The following DCLK1 variants were observed in gnomAD, a reference collection of about 807,000 sequenced individuals.
The protein encoded by DCLK1 is serine/threonine-protein kinase DCLK1.
Under a neutral mutation model 86.2 loss-of-function variants are expected in DCLK1, and 16 were observed. The ratio of observed to expected loss-of-function variants is 0.19; its 90% confidence interval spans 0.13 to 0.28. The LOEUF (loss-of-function observed/expected upper bound fraction) is 0.28. DCLK1 is among the 10% of genes least tolerant of loss of function. DCLK1 has a pLI of 1.00. For missense variants in DCLK1, 590 were observed against 940.2 expected (o/e 0.63, Z 4.87); for synonymous variants, 369 against 370.5 (o/e 1.00, Z 0.05).
intron 5 of DCLK1, among the ~76,000 whole-genome samples, chr13:35,866,342 G>T (rs944138390): frequency 1.3e-5 from 2 of 152,054 alleles, no homozygotes; most frequent in South Asian, 2.1e-4. Context: ...TTTATAATAC[G>T]CTCCAATTTC....
intron 4 of DCLK1, among the ~76,000 whole-genome samples, chr13:35,898,837 G>T (rs1263905757): frequency 6.6e-6 from 1 of 152,104 alleles, no homozygotes; most frequent in Non-Finnish European, 1.5e-5. Flanking sequence ...TGCCTCCTGG[G>T]CTCAAGCGAT....
intron 3 of DCLK1, among the ~76,000 whole-genome samples, chr13:36,082,812 C>T (rs184032021): frequency 6.6e-6 from 1 of 152,278 alleles, no homozygotes; most frequent in East Asian, 1.9e-4. Flanking sequence ...GCTGAATGAG[C>T]CCCAGCTATC....
intron 3 of DCLK1, among the ~76,000 whole-genome samples, chr13:36,060,356 T>G (rs1593855088): frequency 6.6e-6 from 1 of 152,236 alleles, no homozygotes; most frequent in South Asian, 2.1e-4. Context: ...TGTCTGTCTT[T>G]CAAATACCAA....
intron 4 of DCLK1, among the ~76,000 whole-genome samples, chr13:35,896,199 T>G (rs9531159): frequency 6.6e-5 from 10 of 152,010 alleles, no homozygotes; most frequent in Non-Finnish European, 1.3e-4. Context: ...TTGCTTAGAC[T>G]GTATATAGAA....
At chr13:35,919,966 G>A (rs1017676934) in intron 4 of DCLK1, among the ~76,000 whole-genome samples, 9 of 151,786 alleles carry the variant, frequency 5.9e-5, no homozygotes, top group South Asian at 2.1e-4. Context: ...CGACACAGCC[G>A]GCAAATAAAA....
At chr13:35,891,264 TA>T (rs1169470529) in intron 4 of DCLK1, among the ~76,000 whole-genome samples, 2 of 151,834 alleles carry the variant, frequency 1.3e-5, no homozygotes, top group African/African-American at 2.4e-5. Context: ...ATAATTTTTT[TA>T]AAAAAAACAG....
intron 3 of DCLK1, among the ~76,000 whole-genome samples, chr13:36,062,755 G>C (rs890738128): frequency 1.2e-4 from 18 of 152,164 alleles, no homozygotes; most frequent in African/African-American, 4.3e-4. Flanking sequence ...CCACGGATAG[G>C]CGTCATTGTG....
intron 3 of DCLK1, among the ~76,000 whole-genome samples, chr13:35,969,214 G>A (rs1336182366): frequency 6.6e-6 from 1 of 152,146 alleles, no homozygotes; most frequent in African/African-American, 2.4e-5. Context: ...AATGGTGGCT[G>A]CCACAAAGAT....
intron 4 of DCLK1, among the ~76,000 whole-genome samples, chr13:35,926,987 G>T (rs1305067149): frequency 6.6e-6 from 1 of 152,332 alleles, no homozygotes; most frequent in East Asian, 1.9e-4. Context: ...GAAGTCAGCA[G>T]CTTTTGGAAG....
intron 2 of DCLK1, among the ~76,000 whole-genome samples, chr13:36,119,363 C>T (rs1415375857): frequency 6.6e-6 from 1 of 152,078 alleles, no homozygotes; most frequent in Admixed American, 6.6e-5. Context: ...AAGAAAATCA[C>T]CATTAGAACA....
At chr13:36,006,038 A>C (rs1179382856) in intron 3 of DCLK1, among the ~76,000 whole-genome samples, 1 of 152,158 alleles carries the variant, frequency 6.6e-6, no homozygotes, top group Non-Finnish European at 1.5e-5. Context: ...AAGAGGATGG[A>C]GAGCATTAGG....
intron 10 of DCLK1, among the ~76,000 whole-genome samples, chr13:35,827,403 A>G (rs1868564818): frequency 6.6e-6 from 1 of 152,150 alleles, no homozygotes; most frequent in Admixed American, 6.6e-5. Flanking sequence ...CTCACTTTAC[A>G]TATGTTGAAA....
intron 2 of DCLK1, among the ~76,000 whole-genome samples, chr13:36,113,545 G>A (rs994904054): frequency 2.6e-5 from 4 of 152,076 alleles, no homozygotes; most frequent in African/African-American, 9.7e-5. Context: ...GCATATTTGG[G>A]TACTATAGAA....
chr13:35,969,338 A>T (rs1049436866), intron 3 of DCLK1, among the ~76,000 whole-genome samples: 1 of 152,102 alleles, frequency 6.6e-6, no homozygotes, highest in Non-Finnish European at 1.5e-5. Flanking sequence ...CCAGTGACAA[A>T]TGTCCTTATA....
At chr13:36,038,384 G>A (rs1011929254) in intron 3 of DCLK1, among the ~76,000 whole-genome samples, 1 of 152,156 alleles carries the variant, frequency 6.6e-6, no homozygotes, top group African/African-American at 2.4e-5. Flanking sequence ...AGAGAATCCT[G>A]GAGAACCAAA....
chr13:35,989,437 A>G (rs948297057), intron 3 of DCLK1, among the ~76,000 whole-genome samples: 2 of 151,858 alleles, frequency 1.3e-5, no homozygotes, highest in African/African-American at 4.8e-5. Context: ...ACACCCGGCT[A>G]ATTTTTGTAT....
At chr13:36,024,968 C>CTT (rs1427973007) in intron 3 of DCLK1, among the ~76,000 whole-genome samples, 42 of 139,096 alleles carry the variant, frequency 3.0e-4, no homozygotes, top group African/African-American at 7.3e-4. Context: ...TCTTTTCTTT[C>CTT]TTTTTTTTTT....
chr13:36,045,396 C>G (rs117965023), intron 3 of DCLK1, among the ~76,000 whole-genome samples: 1 of 121,452 alleles, frequency 8.2e-6, no homozygotes, highest in Non-Finnish European at 1.7e-5. Context: ...AAATTGCTAA[C>G]ATCAGTGAAC....
chr13:35,888,035 C>T (rs938779063), intron 4 of DCLK1, among the ~76,000 whole-genome samples: 2 of 152,012 alleles, frequency 1.3e-5, no homozygotes, highest in African/African-American at 4.8e-5. Flanking sequence ...CACATTCATC[C>T]AAAGTAAGGC....
Sources: gnomAD v4.1 joint callset for allele counts (sites outside exome capture counted in the v4.1 genomes callset) on GRCh38, gnomAD v4.1.1 for gene constraint, MANE v1.5 for transcripts, NCBI Gene and HGNC (gene_info 2026-07-23, HGNC 2026-07-21) for gene names.